RNF128: variants seen among roughly 807,000 people sequenced by gnomAD.
RNF128 encodes ring finger protein 128.
RNF128 carries 13 observed loss-of-function variants against 26.2 expected under a neutral mutation model. The observed-to-expected ratio is 0.50, with a 90% confidence interval of 0.32 to 0.79. RNF128 has a LOEUF of 0.79. Among genes scored for constraint, RNF128 ranks in the 30% least tolerant of loss-of-function variants. The probability of loss-of-function intolerance (pLI) is 0.03; values close to 1 mark genes in which losing one functional copy is unlikely to be tolerated. For synonymous variants in RNF128, 149 were observed against 142.5 expected (o/e 1.05, Z -0.32); for missense variants, 315 against 349.7 (o/e 0.90, Z 0.79).
rs756302792 is a variant in RNF128, at chrX:106,791,601, A to C, written c.1153+367A>C. On this transcript the variant is annotated intron_variant, in intron 6 of 6. Transcript: ENST00000255499. ...AGAAATTAAAATAAAGGAGTTCTGA[A>C]ATGATAAAACAGAATTCAATTTATA... Among the ~76,000 whole-genome samples, 171 of 111,325 alleles carry C rather than the reference A, an allele frequency of 1.5e-3. 2 individuals carry two copies. Among genetic ancestry groups the C allele is most frequent in the Admixed American group, 0.011 (118 of 10,399 alleles).
intron 5 of RNF128, among the ~76,000 whole-genome samples, chrX:106,790,856 G>A (rs752964327): frequency 1.8e-5 from 2 of 110,094 alleles, no homozygotes; most frequent in East Asian, 2.9e-4. Context: ...AGTGCACTCC[G>A]CCTATAGCAT....
intron 3 of RNF128, among the ~76,000 whole-genome samples, chrX:106,785,822 A>C (rs1164794242): frequency 1.8e-5 from 2 of 112,340 alleles, no homozygotes; most frequent in Non-Finnish European, 3.8e-5. Context: ...TAAAACATGT[A>C]TTTCAAAAAA....
At chrX:106,723,361 G>A (rs1319421820), upstream of RNF128, among the ~76,000 whole-genome samples, 2 of 111,245 alleles carry the variant, frequency 1.8e-5, no homozygotes, top group East Asian at 5.7e-4. Flanking sequence ...GAGGTCAGGA[G>A]TTCGAGACCA....
At chrX:106,786,773 T>G (rs753541993) in intron 3 of RNF128, among the ~76,000 whole-genome samples, 1 of 110,729 alleles carries the variant, frequency 9.0e-6, no homozygotes, top group South Asian at 3.8e-4. Flanking sequence ...ACAAACAACC[T>G]AATAGAAAAC....
rs980235159 is a variant in RNF128, at chrX:106,796,294, G to T, written c.*581G>T. ...AAATTAGGCTGAATGTACTTCATGT[G>T]ATTTGTCAACCATAGTTTATCAGAG... On this transcript the variant is annotated 3_prime_UTR_variant, in exon 7 of 7. Coordinates refer to ENST00000255499, the MANE Select transcript of RNF128 (RefSeq NM_194463.2). The T allele has an allele frequency of 8.9e-5, 10 of 111,912 alleles. No individual in the cohort carries two copies. Among genetic ancestry groups the T allele is most frequent in the African/African-American group, 3.2e-4 (10 of 30,810 alleles). 9.2% of individuals were successfully genotyped at this position (111,912 alleles called of 1,213,427 possible).
At chrX:106,774,751 C>G (rs1032317583) in intron 2 of RNF128, among the ~76,000 whole-genome samples, 1 of 111,806 alleles carries the variant, frequency 8.9e-6, no homozygotes, top group African/African-American at 3.2e-5. Flanking sequence ...TGTGCCACTT[C>G]TTTAGAAAGC....
chrX:106,715,534 C>T (rs1027747512), intron 1 of RNF128, among the ~76,000 whole-genome samples: 2 of 111,613 alleles, frequency 1.8e-5, no homozygotes, highest in Non-Finnish European at 3.8e-5. Context: ...AACATTAACT[C>T]TTACCCCAGT....
At chrX:106,792,921 G>T (rs966073831) in intron 6 of RNF128, among the ~76,000 whole-genome samples, 4 of 111,780 alleles carry the variant, frequency 3.6e-5, no homozygotes, top group Admixed American at 9.5e-5. Flanking sequence ...TTTTGTCTGG[G>T]ATTACATATT....
chrX:106,757,570 T>A (rs1328435194), intron 1 of RNF128, among the ~76,000 whole-genome samples: 1 of 70,620 alleles, frequency 1.4e-5, no homozygotes, highest in Admixed American at 1.8e-4. Context: ...AATATCACAC[T>A]CTAGGGACTG....
In RNF128 at chrX:106,773,081, T is replaced by C. The variant is rs1930404831; in HGVS notation, c.653T>C (p.Ile218Thr). The change falls in exon 2 of 7, where the codon ATT becomes ACT. Residue 218 changes from isoleucine to threonine, a missense_variant. Ile to Thr is a moderately conservative substitution (Grantham distance 89, BLOSUM62 -1). Coordinates refer to ENST00000255499, the MANE Select transcript of RNF128 (RefSeq NM_194463.2). Reference protein sequence around the residue: ...IFFVSVSFFIITAATVGYFIF... With the variant: ...IFFVSVSFFITTAATVGYFIF... ...TTCGTTTCTGTGTCCTTTTTTATTA[T>C]TACGGCGGCAACTGTGGGCTATTTT... is the stretch of plus-strand genomic sequence containing the variant. The C allele has an allele frequency of 8.3e-7, 1 of 1,208,746 alleles. No individual in the cohort carries two copies. Among genetic ancestry groups the C allele is most frequent in the South Asian group, 1.8e-5 (1 of 56,761 alleles).
chrX:106,779,511 T>C (rs1225131257), intron 2 of RNF128, among the ~76,000 whole-genome samples: 1 of 110,249 alleles, frequency 9.1e-6, no homozygotes, highest in African/African-American at 3.3e-5. Context: ...AGAGAAGTGG[T>C]TGCCAGGGGG....
intron 1 of RNF128, among the ~76,000 whole-genome samples, chrX:106,768,745 T>C (rs1013885269): frequency 9.8e-5 from 11 of 111,821 alleles, no homozygotes; most frequent in African/African-American, 3.6e-4. Context: ...AGTTATTTCT[T>C]GCCTTCTGCC....
At chrX:106,779,627 A>G (rs1338642068) in intron 2 of RNF128, among the ~76,000 whole-genome samples, 1 of 110,673 alleles carries the variant, frequency 9.0e-6, no homozygotes, top group Non-Finnish European at 1.9e-5. Context: ...CTGTAATCTG[A>G]GCTATAACCT....
At chrX:106,751,030 C>T (rs1929874590) in intron 1 of RNF128, among the ~76,000 whole-genome samples, 1 of 111,285 alleles carries the variant, frequency 9.0e-6, no homozygotes, top group South Asian at 3.9e-4. Flanking sequence ...AGCAAGATGG[C>T]CAAATAAAAC....
chrX:106,751,171 G>A (rs1204202241), intron 1 of RNF128, among the ~76,000 whole-genome samples: 2 of 111,308 alleles, frequency 1.8e-5, no homozygotes, highest in African/African-American at 3.3e-5. Context: ...TAAGGAAAGA[G>A]GCACTGGATA....
intron 1 of RNF128, among the ~76,000 whole-genome samples, chrX:106,730,638 G>A (rs1459907692): frequency 8.9e-6 from 1 of 111,808 alleles, no homozygotes; most frequent in African/African-American, 3.3e-5. Context: ...CAACCCACAG[G>A]TTGAAGAGAT....
At chrX:106,696,051 C>G (rs1435887945) in intron 1 of RNF128, among the ~76,000 whole-genome samples, 1 of 111,326 alleles carries the variant, frequency 9.0e-6, no homozygotes, top group African/African-American at 3.3e-5. Flanking sequence ...AAAAAGGAGG[C>G]AGTTAGACTT....
At chrX:106,715,857 G>T (rs760630082) in intron 1 of RNF128, among the ~76,000 whole-genome samples, 2 of 111,151 alleles carry the variant, frequency 1.8e-5, no homozygotes, top group Non-Finnish European at 3.8e-5. Context: ...TTACCTGCAG[G>T]CTAAACTACT....
intron 1 of RNF128, among the ~76,000 whole-genome samples, chrX:106,744,812 A>ACCAC (rs1929767699): frequency 8.9e-6 from 1 of 112,009 alleles, no homozygotes; most frequent in Non-Finnish European, 1.9e-5. Context: ...CTAATGTGGT[A>ACCAC]AATATCAATA....
Sources: gnomAD v4.1 joint callset for allele counts (sites outside exome capture counted in the v4.1 genomes callset) on GRCh38, gnomAD v4.1.1 for gene constraint, MANE v1.5 for transcripts, NCBI Gene and HGNC (gene_info 2026-07-23, HGNC 2026-07-21) for gene names.